PDE4D: variants seen among roughly 807,000 people sequenced by gnomAD.
The protein encoded by PDE4D is 3',5'-cyclic-AMP phosphodiesterase 4D.
Under a neutral mutation model 87.4 loss-of-function variants are expected in PDE4D, and 24 were observed. The ratio of observed to expected loss-of-function variants is 0.27; its 90% CI spans 0.20 to 0.39. The LOEUF (loss-of-function observed/expected upper bound fraction) is 0.39. Ranked by LOEUF, PDE4D falls within the 10% of genes least tolerant of loss-of-function variation. The probability of loss-of-function intolerance (pLI) is 1.00; values close to 1 mark genes in which losing one functional copy is unlikely to be tolerated. For synonymous variants in PDE4D, 384 were observed against 383.2 expected (o/e 1.00, Z -0.02); for missense variants, 714 against 1,041.0 (o/e 0.69, Z 4.32).
At position 59,852,510 on chromosome 5, in the gene PDE4D, A is replaced by G. The variant is rs139531165; in HGVS notation, c.455+40658T>C. ...AACAGCAGGCACTAATGTGCCAGCC[A>G]TGTGAGGGAGCCATCTTGGAAGTGA... On this transcript the variant is annotated intron_variant, in intron 1 of 14. Coordinates refer to ENST00000340635, the MANE Select transcript of PDE4D (RefSeq NM_001104631.2). Among the ~76,000 whole-genome samples, 3 of 152,190 alleles carry G rather than the reference A, an allele frequency of 2.0e-5. No homozygotes were observed. The East Asian group carries it at 5.8e-4, about 30-fold the overall frequency.
chr5:59,317,583 T>C (rs1439870760), intron 1 of PDE4D, among the ~76,000 whole-genome samples: 1 of 152,150 alleles, frequency 6.6e-6, no homozygotes, highest in African/African-American at 2.4e-5. Context: ...AGATTACGTC[T>C]GACTGAATCT....
chr5:59,538,216 A>G (rs193042320), intron 1 of PDE4D, among the ~76,000 whole-genome samples: 7 of 152,328 alleles, frequency 4.6e-5, no homozygotes, highest in East Asian at 1.9e-4. Context: ...CCCAATCACT[A>G]TGGGAGTAAT....
At chr5:60,325,191 C>T (rs540714918) in intron 1 of PDE4D, among the ~76,000 whole-genome samples, 4 of 152,288 alleles carry the variant, frequency 2.6e-5, no homozygotes, top group Non-Finnish European at 5.9e-5. Flanking sequence ...GATCCCTGAA[C>T]CACCTAAGCC....
chr5:59,201,111 TA>T (rs1452431214), intron 2 of PDE4D, among the ~76,000 whole-genome samples: 1 of 152,110 alleles, frequency 6.6e-6, no homozygotes, highest in Non-Finnish European at 1.5e-5. Context: ...TTAAATAAAT[TA>T]AAAAATAATC....
chr5:59,667,283 G>A (rs538331382), intron 1 of PDE4D, among the ~76,000 whole-genome samples: 2 of 152,060 alleles, frequency 1.3e-5, no homozygotes, highest in South Asian at 4.2e-4. Flanking sequence ...GTTGTGTTGT[G>A]TTTTGCTGTG....
intron 1 of PDE4D, among the ~76,000 whole-genome samples, chr5:59,257,085 C>T (rs1447600025): frequency 3.3e-5 from 5 of 152,134 alleles, no homozygotes; most frequent in African/African-American, 1.2e-4. Context: ...GAAATAATTA[C>T]AATGCAATAC....
intron 1 of PDE4D, among the ~76,000 whole-genome samples, chr5:59,887,225 A>G (rs1381213205): frequency 6.6e-6 from 1 of 152,184 alleles, no homozygotes; most frequent in African/African-American, 2.4e-5. Flanking sequence ...AATTTTATAG[A>G]GTTCTCAATC....
At chr5:60,366,390 A>G (rs1760546258) in intron 1 of PDE4D, among the ~76,000 whole-genome samples, 1 of 152,172 alleles carries the variant, frequency 6.6e-6, no homozygotes, top group African/African-American at 2.4e-5. Context: ...AGTGTCTTCA[A>G]AGGCTAAAAC....
chr5:60,409,562 C>T (rs182456502), intron 1 of PDE4D, among the ~76,000 whole-genome samples: 8 of 152,184 alleles, frequency 5.3e-5, no homozygotes, highest in Admixed American at 4.6e-4. Context: ...CATTATAAAG[C>T]TTGTATTGAT....
At chr5:59,385,178 A>C (rs1036797383) in intron 1 of PDE4D, among the ~76,000 whole-genome samples, 5 of 152,162 alleles carry the variant, frequency 3.3e-5, no homozygotes, top group African/African-American at 1.2e-4. Flanking sequence ...GGCCCGCTAG[A>C]AATCTGACAT....
intron 1 of PDE4D, among the ~76,000 whole-genome samples, chr5:59,537,589 G>T (rs929740641): frequency 1.3e-5 from 2 of 152,094 alleles, no homozygotes; most frequent in Non-Finnish European, 2.9e-5. Flanking sequence ...AATAACTTCA[G>T]AAGCTTCATA....
chr5:60,384,113 T>C (rs1583589309), intron 1 of PDE4D, among the ~76,000 whole-genome samples: 1 of 152,298 alleles, frequency 6.6e-6, no homozygotes, highest in South Asian at 2.1e-4. Context: ...TTGAAACCTG[T>C]GATAATTCAA....
At chr5:60,284,888 A>G (rs1393268745) in intron 1 of PDE4D, among the ~76,000 whole-genome samples, 1 of 145,184 alleles carries the variant, frequency 6.9e-6, no homozygotes, top group Non-Finnish European at 1.5e-5. Flanking sequence ...ATAGTTGGCT[A>G]CTCTTTTGAT....
At chr5:59,094,991 A>G (rs1265573661) in intron 5 of PDE4D, among the ~76,000 whole-genome samples, 1 of 152,002 alleles carries the variant, frequency 6.6e-6, no homozygotes, top group East Asian at 1.9e-4. Context: ...GCCAGACTTC[A>G]TGTTTCTGGA....
intron 1 of PDE4D, among the ~76,000 whole-genome samples, chr5:59,637,228 TA>T (rs1433423614): frequency 1.3e-5 from 2 of 152,116 alleles, no homozygotes; most frequent in East Asian, 3.8e-4. Context: ...TGACGATCAT[TA>T]AAAAGTCAGG....
At chr5:60,380,187 T>C (rs16877964) in intron 1 of PDE4D, among the ~76,000 whole-genome samples, 12,322 of 152,246 alleles carry the variant, frequency 0.081, 860 homozygotes, top group African/African-American at 0.18. Flanking sequence ...AAATGGTTTG[T>C]CAACACTGAA....
At chr5:59,962,288 A>C (rs1759554854) in intron 3 of PDE4D, among the ~76,000 whole-genome samples, 1 of 152,184 alleles carries the variant, frequency 6.6e-6, no homozygotes. Flanking sequence ...CTTGACAAGT[A>C]AATTAATGAA....
At chr5:60,504,530 G>A (rs1750240328) in intron 1 of PDE4D, among the ~76,000 whole-genome samples, 1 of 152,072 alleles carries the variant, frequency 6.6e-6, no homozygotes, top group South Asian at 2.1e-4. Flanking sequence ...TACAAAAAAA[G>A]ATCAGGTAAC....
chr5:59,847,600 A>G (rs2152714191), intron 1 of PDE4D, among the ~76,000 whole-genome samples: 1 of 152,206 alleles, frequency 6.6e-6, no homozygotes, highest in South Asian at 2.1e-4. Flanking sequence ...CCTCTCAAAT[A>G]TCAAACTACT....
Sources: allele counts gnomAD v4.1 joint callset (sites outside exome capture counted in the v4.1 genomes callset), GRCh38; gene constraint gnomAD v4.1.1; transcripts MANE v1.5; gene names NCBI Gene and HGNC (gene_info 2026-07-23, HGNC 2026-07-21).